The following KIAA1549L variants were observed in gnomAD, a reference collection of about 807,000 sequenced individuals.
KIAA1549L encodes the protein UPF0606 protein KIAA1549L.
KIAA1549L carries 88 observed loss-of-function variants against 160.7 expected under a neutral mutation model. That is an observed-to-expected ratio of 0.55 (90% CI 0.46 to 0.65). The LOEUF is 0.65. Ranked by LOEUF, KIAA1549L falls within the 30% of genes least tolerant of loss-of-function variation. The pLI, the probability that KIAA1549L is intolerant of heterozygous loss-of-function variation, is 0.00. For missense variants in KIAA1549L, 2,258 were observed against 2,437.5 expected (o/e 0.93, Z 1.55); for synonymous variants, 950 against 976.7 (o/e 0.97, Z 0.51).
intron 13 of KIAA1549L, among the ~76,000 whole-genome samples, chr11:33,600,553 C>T (rs1850331139): frequency 6.7e-6 from 1 of 149,964 alleles, no homozygotes; most frequent in South Asian, 2.1e-4. Flanking sequence ...CCTCCCCCTC[C>T]TTCCTTCCTT....
At chr11:33,387,462 C>T (rs2134041961) in intron 1 of KIAA1549L, among the ~76,000 whole-genome samples, 1 of 152,210 alleles carries the variant, frequency 6.6e-6, no homozygotes, top group East Asian at 1.9e-4. Flanking sequence ...CGCACCACTG[C>T]ACCTGGCTAA....
intron 1 of KIAA1549L, among the ~76,000 whole-genome samples, chr11:33,496,104 C>T (rs1335219682): frequency 6.6e-6 from 1 of 152,136 alleles, no homozygotes; most frequent in East Asian, 1.9e-4. Flanking sequence ...GCTGGGATTA[C>T]AGGCTCCTGC....
intron 1 of KIAA1549L, among the ~76,000 whole-genome samples, chr11:33,412,105 CAG>C (rs1197341724): frequency 1.3e-5 from 2 of 152,130 alleles, no homozygotes; most frequent in Admixed American, 6.5e-5. Flanking sequence ...GTTTAAAGGT[CAG>C]AGTAGGAAGC....
chr11:33,515,125 G>C (rs534935863), intron 1 of KIAA1549L, among the ~76,000 whole-genome samples: 1 of 152,292 alleles, frequency 6.6e-6, no homozygotes, highest in South Asian at 2.1e-4. Flanking sequence ...TATTTGCAGT[G>C]AATAAAAGCC....
chr11:33,556,175 G>T (rs991203540), intron 6 of KIAA1549L, among the ~76,000 whole-genome samples: 3 of 152,224 alleles, frequency 2.0e-5, no homozygotes, highest in African/African-American at 7.2e-5. Context: ...TGGTGATAAC[G>T]TGGAGAAATT....
intron 13 of KIAA1549L, among the ~76,000 whole-genome samples, chr11:33,602,922 C>T (rs1188170165): frequency 1.3e-5 from 2 of 152,274 alleles, no homozygotes; most frequent in South Asian, 4.1e-4. Context: ...ATAACTATAG[C>T]TTGTACAATT....
chr11:33,564,100 G>A (rs1854968210), intron 8 of KIAA1549L, among the ~76,000 whole-genome samples: 1 of 152,114 alleles, frequency 6.6e-6, no homozygotes, highest in Admixed American at 6.5e-5. Flanking sequence ...TGTGTTTAGG[G>A]CTAGCTGGAT....
At chr11:33,541,755 A>T (rs762343499) in intron 1 of KIAA1549L, 47 bp from the exon 2 acceptor site, 20 of 224,264 alleles carry the variant, frequency 8.9e-5, no homozygotes, top group Non-Finnish European at 1.7e-4. Context: ...CACAGCAGGC[A>T]CTTCATGAGC....
intron 11 of KIAA1549L, among the ~76,000 whole-genome samples, chr11:33,590,288 A>C (rs1850013823): frequency 6.6e-6 from 1 of 152,222 alleles, no homozygotes; most frequent in African/African-American, 2.4e-5. Context: ...AACTTACCCA[A>C]GGTCACACAG....
chr11:33,434,485 GT>G (rs1851316304), intron 1 of KIAA1549L, among the ~76,000 whole-genome samples: 1 of 152,192 alleles, frequency 6.6e-6, no homozygotes, highest in African/African-American at 2.4e-5. Flanking sequence ...GGTACCAGGA[GT>G]GGGGTTCTAA....
intron 16 of KIAA1549L, among the ~76,000 whole-genome samples, chr11:33,638,124 T>C (rs1183708483): frequency 2.0e-5 from 3 of 152,172 alleles, no homozygotes; most frequent in Admixed American, 6.5e-5. Flanking sequence ...AATTGACATA[T>C]GGTAAAAATG....
chr11:33,504,777 C>T (rs577973110), intron 1 of KIAA1549L, among the ~76,000 whole-genome samples: 1 of 152,164 alleles, frequency 6.6e-6, no homozygotes, highest in South Asian at 2.1e-4. Flanking sequence ...CACAGATTTT[C>T]TTTCTTTTAG....
intron 1 of KIAA1549L, among the ~76,000 whole-genome samples, chr11:33,512,665 A>G: frequency 6.6e-6 from 1 of 152,100 alleles, no homozygotes; most frequent in South Asian, 2.1e-4. Context: ...AAGTGATCCA[A>G]CCTCCTCGGC....
intron 1 of KIAA1549L, among the ~76,000 whole-genome samples, chr11:33,540,670 A>T (rs993287355): frequency 1.3e-5 from 2 of 152,214 alleles, no homozygotes; most frequent in Non-Finnish European, 2.9e-5. Flanking sequence ...TTTTAATGAA[A>T]TACTATGCAG....
intron 1 of KIAA1549L, among the ~76,000 whole-genome samples, chr11:33,406,653 C>G (rs528986021): frequency 9.8e-5 from 15 of 152,334 alleles, no homozygotes; most frequent in Non-Finnish European, 1.6e-4. Context: ...TCCACTCTGC[C>G]CTGCACTCTT....
chr11:33,445,261 A>G (rs1851587995), intron 1 of KIAA1549L, among the ~76,000 whole-genome samples: 1 of 152,218 alleles, frequency 6.6e-6, no homozygotes, highest in Admixed American at 6.5e-5. Context: ...GAGAGGAGAC[A>G]AAGCCAGCAG....
chr11:33,517,206 C>T (rs1300045584), intron 1 of KIAA1549L, among the ~76,000 whole-genome samples: 4 of 152,164 alleles, frequency 2.6e-5, no homozygotes, highest in Admixed American at 2.6e-4. Flanking sequence ...TTCTGGAGTT[C>T]ATTTCCCCAA....
In KIAA1549L at chr11:33,545,335, C is replaced by T; in HGVS notation, c.3342C>T (p.Ser1114=). The T allele has an allele frequency of 2.5e-6, 4 of 1,612,546 alleles. No individual in the cohort carries two copies. Among genetic ancestry groups the T allele is most frequent in the Non-Finnish European group, 2.5e-6 (3 of 1,179,554 alleles). Residue 1114 remains serine (S), a synonymous_variant, in exon 3 of 21, where the codon TCC becomes TCT. Coordinates refer to ENST00000658780, the MANE Select transcript of KIAA1549L (RefSeq NM_012194.3). ...TGGTCACGACTGGCAAAATGGCATCCAACCTGGAGTGTCAGATGTCCAGTA... is the reference window on the plus strand; with the variant it reads ...TGGTCACGACTGGCAAAATGGCATCTAACCTGGAGTGTCAGATGTCCAGTA... ...AAVVTTGKMA[S]NLECQMSSKL... is the part of the protein sequence containing the mutation.
intron 1 of KIAA1549L, among the ~76,000 whole-genome samples, chr11:33,443,934 C>G (rs961997579): frequency 6.6e-6 from 1 of 152,172 alleles, no homozygotes; most frequent in Admixed American, 6.5e-5. Flanking sequence ...CTACTGCAGT[C>G]TTCTCATCTG....
Sources: allele counts gnomAD v4.1 joint callset (sites outside exome capture counted in the v4.1 genomes callset), GRCh38; gene constraint gnomAD v4.1.1; transcripts MANE v1.5; gene names NCBI Gene and HGNC (gene_info 2026-07-23, HGNC 2026-07-21).